Variants in CDH23 observed in about 807,000 individuals in gnomAD.
CDH23 encodes the protein cadherin related 23.
Under a neutral mutation model 317.1 loss-of-function variants are expected in CDH23, and 189 were observed. The observed-to-expected ratio is 0.60, with a 90% CI of 0.53 to 0.67. CDH23 has a LOEUF of 0.67. Ranked by LOEUF, CDH23 falls within the 30% of genes least tolerant of loss-of-function variation. CDH23 has a pLI of 0.00. For synonymous variants in CDH23, 1,839 were observed against 1,876.8 expected (o/e 0.98, Z 0.52); for missense variants, 4,401 against 4,592.4 (o/e 0.96, Z 1.20).
intron 11 of CDH23, among the ~76,000 whole-genome samples, chr10:71,630,711 G>A (rs568360981): frequency 6.7e-4 from 102 of 152,212 alleles, no homozygotes; most frequent in Non-Finnish European, 1.6e-4. Flanking sequence ...TGTGCTGGTA[G>A]ATACCTAGCG....
At chr10:71,668,217 C>T (rs76838156) in intron 14 of CDH23, among the ~76,000 whole-genome samples, 2,467 of 152,258 alleles carry the variant, frequency 0.016, 70 homozygotes, top group African/African-American at 0.057. Context: ...CCTTTGCTGG[C>T]AGGCATAGCT....
chr10:71,704,442 C>G lies in CDH23; in HGVS notation c.2734-469C>G, dbSNP rs1168106704. Among the ~76,000 whole-genome samples the G allele has an allele frequency of 4.6e-5, 7 of 152,092 alleles. No individual in the cohort carries two copies. In the East Asian group the frequency reaches 9.7e-4, roughly 21 times the overall value. On this transcript the variant is annotated intron_variant, in intron 24 of 69. Coordinates refer to ENST00000224721, the MANE Select transcript of CDH23 (RefSeq NM_022124.6). ...CCTCAAGTGACTTTTAAAAAAGAAC[C>G]CTTGATGTAATTTTATTTTTGTTGT...
Position 71,480,940 on chromosome 10 carries a change from G to A in CDH23, c.146-29142G>A, listed in dbSNP as rs377552011. On this transcript the variant is annotated intron_variant, in intron 3 of 69. Coordinates refer to ENST00000224721, the MANE Select transcript of CDH23 (RefSeq NM_022124.6). Reference sequence around the variant, plus strand: ...CTGGACAGGTAGTGATGTCTTCCACGGACCCCTTCGGAGGAAAATGGAAGT... The same window carrying A: ...CTGGACAGGTAGTGATGTCTTCCACAGACCCCTTCGGAGGAAAATGGAAGT... Among the ~76,000 whole-genome samples the A allele has an allele frequency of 8.5e-5, 13 of 152,226 alleles. No homozygotes were observed. The East Asian group carries it at 2.3e-3, about 27-fold the overall frequency.
chr10:71,526,699 G>A (rs1436463370), intron 6 of CDH23, among the ~76,000 whole-genome samples: 2 of 152,200 alleles, frequency 1.3e-5, no homozygotes, highest in African/African-American at 2.4e-5. Flanking sequence ...GAGGGGAAAC[G>A]CTGAACAGCA....
chr10:71,602,367 T>G (rs1424768217), intron 9 of CDH23, among the ~76,000 whole-genome samples: 2 of 152,176 alleles, frequency 1.3e-5, no homozygotes, highest in Non-Finnish European at 2.9e-5. Context: ...AGGCAGAGTC[T>G]GTCAGTGTCC....
intron 1 of CDH23, among the ~76,000 whole-genome samples, chr10:71,399,614 A>G (rs1420444349): frequency 2.6e-5 from 4 of 152,158 alleles, no homozygotes; most frequent in Non-Finnish European, 5.9e-5. Context: ...AAAACTGTAC[A>G]TGGAACTGGG....
At chr10:71,560,849 T>A (rs933419835) in intron 6 of CDH23, among the ~76,000 whole-genome samples, 1 of 151,842 alleles carries the variant, frequency 6.6e-6, no homozygotes, top group African/African-American at 2.4e-5. Flanking sequence ...TATAACAGGC[T>A]CTGTAATAAG....
chr10:71,677,603 C>A lies in CDH23; in HGVS notation c.1662C>A (p.Val554=). 6.2e-7 allele frequency: 1 copy of A among 1,605,224 alleles called. No individual in the cohort carries two copies. Among genetic ancestry groups the A allele is most frequent in the Non-Finnish European group, 8.5e-7 (1 of 1,176,214 alleles). The change falls in exon 16 of 70, where the codon GTC becomes GTA. Residue 554 remains valine (V), a synonymous_variant. Transcript: ENST00000224721. ...TGRVRINVLD[V]NDNVPTFQKD... is the part of the protein sequence containing the mutation. ...GGGTCAGGATCAATGTGTTGGATGT[C>A]AACGACAACGTGCCCACCTTCCAGA...
chr10:71,482,978 G>A (rs970302744), intron 3 of CDH23, among the ~76,000 whole-genome samples: 1 of 152,214 alleles, frequency 6.6e-6, no homozygotes, highest in Non-Finnish European at 1.5e-5. Context: ...GATCATGTGG[G>A]TCTTGGTACA....
intron 19 of CDH23, among the ~76,000 whole-genome samples, chr10:71,689,203 T>TTGGTGGAGTCAGGGA (rs141565355): frequency 2.3e-5 from 1 of 43,724 alleles, no homozygotes; most frequent in African/African-American, 1.0e-4. Context: ...GGAGCCAGGG[T>TTGGTGGAGTCAGGGA]TGGTGGAGTC....
At position 71,533,177 on chromosome 10, in the gene CDH23, G is replaced by A. The variant is rs1408234258; in HGVS notation, c.429+21965G>A. Among the ~76,000 whole-genome samples the A allele has an allele frequency of 1.2e-4, 18 of 151,866 alleles. No homozygotes were observed. In the Admixed American group the frequency reaches 1.2e-3, roughly 10 times the overall value. On this transcript the variant is annotated intron_variant, in intron 6 of 69. Coordinates refer to ENST00000224721, the MANE Select transcript of CDH23 (RefSeq NM_022124.6). ...CACTGCCTGCCCCGAAGGCGGCTTG[G>A]AGAAGCGGCATGGTGAGCTCCGGAA...
intron 38 of CDH23, 31 bp downstream of exon 38, chr10:71,741,952 C>T (rs56059644): frequency 1.5e-3 from 2,328 of 1,530,022 alleles, no homozygotes; most frequent in Non-Finnish European, 1.9e-3. Context: ...CAGGGAGGAG[C>T]GGGTGGGCCA....
At chr10:71,741,309 C>A (rs10999979) in intron 37 of CDH23, among the ~76,000 whole-genome samples, 3,079 of 152,260 alleles carry the variant, frequency 0.02, 207 homozygotes, top group East Asian at 0.19. Context: ...CTAGGTTGGA[C>A]GTTCATGAAG....
chr10:71,430,761 A>C (rs926620730), intron 1 of CDH23, among the ~76,000 whole-genome samples: 5 of 152,320 alleles, frequency 3.3e-5, no homozygotes, highest in African/African-American at 1.2e-4. Flanking sequence ...CGGAGGTTGC[A>C]GTGAGCCGAG....
In CDH23 at chr10:71,692,284, C is replaced by G. The variant is rs146804534; in HGVS notation, c.2176+1700C>G. Among the ~76,000 whole-genome samples, 72 of 152,310 alleles carry G rather than the reference C, an allele frequency of 4.7e-4. No individual in the cohort carries two copies. In the East Asian group the frequency reaches 0.013, roughly 28 times the overall value. On this transcript the variant is annotated intron_variant, in intron 20 of 69. Transcript: ENST00000224721. Reference sequence around the variant, plus strand: ...AGCTCCCTGGCCTTTTAGCCACCCCCGCCCTTGCCTCCCCAGTCGGGGCTC... The same window carrying G: ...AGCTCCCTGGCCTTTTAGCCACCCCGGCCCTTGCCTCCCCAGTCGGGGCTC...
At chr10:71,443,489 T>C (rs1215348217) in intron 2 of CDH23, among the ~76,000 whole-genome samples, 1 of 152,178 alleles carries the variant, frequency 6.6e-6, no homozygotes, top group African/African-American at 2.4e-5. Flanking sequence ...CTCTCCCCTC[T>C]CTCCTCAGGC....
intron 38 of CDH23, chr10:71,748,881 C>T (rs1564773159): frequency 6.5e-6 from 1 of 152,802 alleles, no homozygotes; most frequent in Non-Finnish European, 1.5e-5. Flanking sequence ...GGCCTGTGGC[C>T]ATGGATGAAG....
chr10:71,788,950 T>C lies in CDH23; in HGVS notation c.5831T>C (p.Leu1944Ser), dbSNP rs201876362. The C allele has an allele frequency of 4.9e-5, 77 of 1,576,822 alleles. No individual in the cohort carries two copies. In the African/African-American group the frequency reaches 9.3e-4, roughly 19 times the overall value. The change falls in exon 45 of 70, where the codon TTG becomes TCG. Residue 1944 changes from leucine to serine, a missense_variant. Physicochemically the swap from Leu to Ser is moderately radical, Grantham distance 145. Around this residue, in one of 3 missense-constraint regions of CDH23, gnomAD observed 3,068 missense variants for 3,203.3 expected, o/e 0.96. Transcript: ENST00000224721. Reference protein sequence around the residue: ...NPRIARRDYDLLLIFLSDEND... With the variant: ...NPRIARRDYDSLLIFLSDEND... ...TTCTGCCCCTTGCAGGATTATGACT[T>C]GCTTCTGATCTTCCTTTCTGATGAG...
intron 60 of CDH23, among the ~76,000 whole-genome samples, chr10:71,809,074 C>T (rs1841828764): frequency 6.7e-6 from 1 of 149,176 alleles, no homozygotes; most frequent in East Asian, 2.0e-4. Flanking sequence ...TAGAAAGTGA[C>T]AAATTTTGAG....
Sources: allele counts gnomAD v4.1 joint callset (sites outside exome capture counted in the v4.1 genomes callset), GRCh38; gene constraint gnomAD v4.1.1; regional missense constraint gnomAD v4.1.1; transcripts MANE v1.5; gene names NCBI Gene and HGNC (gene_info 2026-07-23, HGNC 2026-07-21).